The following FER1L5 variants were observed in gnomAD, a reference collection of about 807,000 sequenced individuals.
FER1L5 encodes the protein fer-1-like protein 5.
A neutral mutation model predicts 279.9 loss-of-function variants in FER1L5; 187 were observed. That is an observed-to-expected ratio of 0.67 (90% confidence interval 0.59 to 0.75). The LOEUF (loss-of-function observed/expected upper bound fraction) is 0.75. FER1L5 is among the 30% of genes least tolerant of loss of function. FER1L5 has a pLI of 0.00. For synonymous variants in FER1L5, 921 were observed against 989.7 expected (o/e 0.93, Z 1.30); for missense variants, 2,091 against 2,594.4 (o/e 0.81, Z 4.21).
At chr2:96,662,885 T>C (rs1334692655) in intron 13 of FER1L5, among the ~76,000 whole-genome samples, 2 of 152,178 alleles carry the variant, frequency 1.3e-5, no homozygotes, top group African/African-American at 4.8e-5. Flanking sequence ...CAGTGAGTGG[T>C]TGGGTACCCC....
At chr2:96,650,811 C>T (rs1465939317) in intron 6 of FER1L5, among the ~76,000 whole-genome samples, 3 of 152,208 alleles carry the variant, frequency 2.0e-5, no homozygotes, top group Admixed American at 1.3e-4. Flanking sequence ...GCTCCTCGCG[C>T]AGCAGCTGGG....
intron 12 of FER1L5, 25 bp from the exon 13 acceptor site, chr2:96,662,190 A>T (rs528623785): frequency 3.9e-6 from 6 of 1,550,682 alleles, no homozygotes; most frequent in Non-Finnish European, 5.2e-6. Flanking sequence ...GCTGGCTCAG[A>T]TATCTTTTAA....
rs1163628347 is a variant in FER1L5, at chr2:96,691,564, C to A, written c.3027C>A (p.Pro1009=). 3 of 1,548,494 alleles carry A rather than the reference C, an allele frequency of 1.9e-6. No individual in the cohort carries two copies. Among genetic ancestry groups the A allele is most frequent in the Non-Finnish European group, 2.6e-6 (3 of 1,145,718 alleles). The change falls in exon 29 of 53, where the codon CCC becomes CCA. Residue 1009 remains proline, a synonymous_variant. Coordinates refer to ENST00000624922, the MANE Select transcript of FER1L5 (RefSeq NM_001293083.2). This position sits in a 1 kb window ranked among gnomAD's most constrained non-coding sequence, Gnocchi z 6.0. ...RRRCWRRRLA[P]NKDKGIAPIF... ...GCTGCTGGCGCCGCAGGCTGGCCCC[C>A]AACAAGGACAAGGGCATCGCGCCCA...
chr2:96,689,283 A>T lies in FER1L5; in HGVS notation c.2432A>T (p.Asp811Val). The T allele has an allele frequency of 6.4e-7, 1 of 1,550,438 alleles. No homozygotes were observed. Among genetic ancestry groups the T allele is most frequent in the Non-Finnish European group, 8.7e-7 (1 of 1,146,650 alleles). The change falls in exon 25 of 53, where the codon GAT becomes GTT. Residue 811 changes from aspartate to valine, a missense_variant. By Grantham distance (152) the Asp-to-Val change is radical (BLOSUM62 -3). Transcript: ENST00000624922. The surrounding 1 kb of genome is among the most constrained non-coding windows in gnomAD (Gnocchi z 4.6). ...CTGTATCACTGCCCCAACTTCTCGG[A>T]TGTCATGGGGAACAAGACCCTCCCC... Reference protein sequence around the residue: ...QGLYHCPNFSDVMGNKTLPMT... With the variant: ...QGLYHCPNFSVVMGNKTLPMT...
chr2:96,683,140 G>A (rs1031898622), intron 19 of FER1L5, among the ~76,000 whole-genome samples: 4 of 152,214 alleles, frequency 2.6e-5, no homozygotes, highest in African/African-American at 9.6e-5. Flanking sequence ...AGGGTTTGGA[G>A]TTCGTGATCT....
intron 9 of FER1L5, among the ~76,000 whole-genome samples, chr2:96,659,624 T>C (rs556869043): frequency 6.7e-6 from 1 of 150,238 alleles, no homozygotes; most frequent in Admixed American, 6.8e-5. Context: ...CCCTAGTAGC[T>C]GAGACTACAG....
At chr2:96,669,230 CTG>C in intron 17 of FER1L5, 93 bp downstream of exon 17, 2 of 1,263,796 alleles carry the variant, frequency 1.6e-6, no homozygotes, top group Non-Finnish European at 2.1e-6. Flanking sequence ...GGCCCCGGCC[CTG>C]GTTTCTGTCC....
intron 4 of FER1L5, among the ~76,000 whole-genome samples, chr2:96,648,900 C>T (rs1424682985): frequency 6.6e-6 from 1 of 152,206 alleles, no homozygotes; most frequent in Non-Finnish European, 1.5e-5. Context: ...AAGGCACATT[C>T]AGTCTGTCAG....
chr2:96,687,764 T>C (rs2076985308), intron 23 of FER1L5, 52 bp from the exon 24 acceptor site: 1 of 1,540,098 alleles, frequency 6.5e-7, no homozygotes, highest in Non-Finnish European at 8.8e-7. Flanking sequence ...GTGGCCGGGG[T>C]GGCGTTCAGG....
chr2:96,652,157 G>A, intron 7 of FER1L5, 137 bp downstream of exon 7: 1 of 1,240,200 alleles, frequency 8.1e-7, no homozygotes, highest in African/African-American at 1.5e-5. Context: ...GTCTACTGAG[G>A]GCCAAGCACT....
intron 9 of FER1L5, among the ~76,000 whole-genome samples, chr2:96,657,247 G>A (rs1023161417): frequency 1.3e-5 from 2 of 151,528 alleles, no homozygotes; most frequent in African/African-American, 4.8e-5. Context: ...GCGAATTTTT[G>A]TATTTTTAGT....
intron 3 of FER1L5, 138 bp from the exon 4 acceptor site, chr2:96,647,640 C>G: frequency 1.5e-6 from 1 of 648,990 alleles, no homozygotes; most frequent in Non-Finnish European, 2.7e-6. Flanking sequence ...CCCAGCCCCA[C>G]TGCATTCTTC....
chr2:96,691,527 G>C lies in FER1L5; in HGVS notation c.2990G>C (p.Arg997Pro). ...KFHLNPQPQS[R>P]FRRRCWRRRL... ...CACCTCAACCCTCAGCCCCAGAGCCGGTTCCGCCGCCGCTGCTGGCGCCGC... is the reference window on the plus strand; with the variant it reads ...CACCTCAACCCTCAGCCCCAGAGCCCGTTCCGCCGCCGCTGCTGGCGCCGC... Residue 997 changes from arginine (R) to proline (P), a missense_variant, in exon 29 of 53, where the codon CGG becomes CCG. Arg to Pro is a moderately radical substitution (Grantham distance 103). Transcript: ENST00000624922. This position sits in a 1 kb window ranked among gnomAD's most constrained non-coding sequence, Gnocchi z 6.0. 6.5e-7 allele frequency: 1 copy of C among 1,550,052 alleles called. No homozygotes were observed. The highest frequency in any genetic ancestry group is 8.7e-7 in the Non-Finnish European group (1 of 1,146,518).
In FER1L5 at chr2:96,698,750, G is replaced by C; in HGVS notation, c.4436G>C (p.Arg1479Thr). ...PPLQFLVWPE[R>T]EDFPQPCLVR... ...CTGCAGTTCTTGGTTTGGCCAGAGA[G>C]AGAGGACTTCCCCCAGCCGTGCTTG... Residue 1479 changes from arginine to threonine, a missense_variant, in exon 41 of 53, where the codon AGA (arginine) becomes ACA (threonine). Coordinates refer to ENST00000624922, the MANE Select transcript of FER1L5 (RefSeq NM_001293083.2). The surrounding 1 kb of genome is among the most constrained non-coding windows in gnomAD (Gnocchi z 5.5). 1 of 1,573,788 alleles carries C rather than the reference G, an allele frequency of 6.4e-7. No homozygotes were observed. Among genetic ancestry groups the C allele is most frequent in the Non-Finnish European group, 8.6e-7 (1 of 1,160,304 alleles).
chr2:96,694,482 TG>T lies in FER1L5; in HGVS notation c.3741+22del, dbSNP rs1398253444. On this transcript the variant is annotated intron_variant, in intron 34 of 52. Transcript: ENST00000624922. This position sits in a 1 kb window ranked among gnomAD's most constrained non-coding sequence, Gnocchi z 4.6. ...CCATTGAGGTGCTGGCGATGTGGGA[TG>T]GGGACGGTGGGCAGGACAGGCGGGG... 6.6e-7 allele frequency: 1 copy of T among 1,525,056 alleles called. No homozygotes were observed. The highest frequency in any genetic ancestry group is 1.3e-5 in the South Asian group (1 of 79,736). The allele number at this position is 1,525,056 out of a possible 1,614,324, so 94.5% of individuals were successfully genotyped here.
chr2:96,666,841 G>A (rs2076143930), intron 14 of FER1L5, among the ~76,000 whole-genome samples: 1 of 151,846 alleles, frequency 6.6e-6, no homozygotes, highest in African/African-American at 2.4e-5. Context: ...TGGTAGAGAT[G>A]GGGGTCTCAA....
At chr2:96,684,513 G>C (rs2076849265) in intron 20 of FER1L5, 62 bp downstream of exon 20, 2 of 1,520,282 alleles carry the variant, frequency 1.3e-6, no homozygotes, top group Admixed American at 2.0e-5. Context: ...TGGGAGACTT[G>C]GGAAACTGCA....
At position 96,654,453 on chromosome 2, in the gene FER1L5, A is replaced by T. The variant is rs1265497958; in HGVS notation, c.704A>T (p.Asn235Ile). 1.8e-5 allele frequency: 7 copies of T among 398,874 alleles called. No individual in the cohort carries two copies. The highest frequency in any genetic ancestry group is 3.1e-5 in the Non-Finnish European group (7 of 226,052). 24.7% of individuals were successfully genotyped at this position (398,874 alleles called of 1,614,324 possible). ...CTGGGAACTCCCTTGCAGGTGGTGA[A>T]CTCCTCAGCAATGAGATACAAAGCA... ...FDETILIQVVNSSAMRYKAEI... is the reference protein window; with the variant it reads ...FDETILIQVVISSAMRYKAEI... Residue 235 changes from asparagine to isoleucine, a missense_variant, in exon 9 of 53, where the codon AAC becomes ATC. By Grantham distance (149) the Asn-to-Ile change is moderately radical. Coordinates refer to ENST00000624922, the MANE Select transcript of FER1L5 (RefSeq NM_001293083.2).
At chr2:96,682,907 A>C (rs2076782394) in intron 19 of FER1L5, among the ~76,000 whole-genome samples, 1 of 152,164 alleles carries the variant, frequency 6.6e-6, no homozygotes, top group African/African-American at 2.4e-5. Context: ...CTGGTAACAA[A>C]CTACTTGAGA....
Sources: gnomAD v4.1 joint callset for allele counts (sites outside exome capture counted in the v4.1 genomes callset) on GRCh38, gnomAD v4.1.1 for gene constraint, Gnocchi (gnomAD v3.1) non-coding constraint, MANE v1.5 for transcripts, NCBI Gene and HGNC (gene_info 2026-07-23, HGNC 2026-07-21) for gene names.